The following P2RY14 variants were observed in gnomAD, a reference collection of about 807,000 sequenced individuals.
P2RY14 encodes purinergic receptor P2Y14.
Under a neutral mutation model 0.9 loss-of-function variants are expected in P2RY14, and 2 were observed. The ratio of observed to expected loss-of-function variants is 2.16; its 90% CI spans 0.88 to 6.79. The LOEUF (loss-of-function observed/expected upper bound fraction) is 6.79, where lower values mean the gene tolerates loss of function less well. P2RY14 is among the 30% of genes most tolerant of loss of function. P2RY14 has a pLI of 0.05. For synonymous variants in P2RY14, 158 were observed against 147.2 expected (o/e 1.07, Z -0.53); for missense variants, 378 against 400.1 (o/e 0.94, Z 0.47).
At position 151,269,866 on chromosome 3, in the gene P2RY14, C is replaced by T. The variant is rs568266196; in HGVS notation, c.-133+8421G>A. ...GTAAAGTCAGCAGGAAGAGGCAGCACGAAGAACCAGAGAGCTTCTTTACCT... is the reference window on the plus strand; with the variant it reads ...GTAAAGTCAGCAGGAAGAGGCAGCATGAAGAACCAGAGAGCTTCTTTACCT... On this transcript the variant is annotated intron_variant, in intron 1 of 2. Transcript: ENST00000309170. 23 of 458,394 alleles carry T rather than the reference C, an allele frequency of 5.0e-5. 1 individual carries two copies. The highest frequency in any genetic ancestry group is 1.4e-3 in the Middle Eastern group (2 of 1,398). 28.4% of individuals were successfully genotyped at this position (458,394 alleles called of 1,614,324 possible).
chr3:151,224,807 A>G (rs1238089035), intron 1 of P2RY14, among the ~76,000 whole-genome samples: 1 of 152,082 alleles, frequency 6.6e-6, no homozygotes, highest in Non-Finnish European at 1.5e-5. Flanking sequence ...TCTTTGCAGC[A>G]TTTGATATCA....
In P2RY14 at chr3:151,214,126, A is replaced by G. The variant is rs1461561971; in HGVS notation, c.191T>C (p.Val64Ala). ...CAGGCTCATCACAAAGTCAGCAATA[A>G]CAATGTTCTTGAGATAGATGATGAA... ...KSFIIYLKNI[V>A]IADFVMSLTF... The change falls in exon 3 of 3, where the codon GTT (valine) becomes GCT (alanine). Residue 64 changes from valine (V) to alanine (A), a missense_variant. By Grantham distance (64) the Val-to-Ala change is moderately conservative. Coordinates refer to ENST00000309170, the MANE Select transcript of P2RY14 (RefSeq NM_014879.4). 1.2e-6 allele frequency: 2 copies of G among 1,614,020 alleles called. No homozygotes were observed. The highest frequency in any genetic ancestry group is 1.7e-6 in the Non-Finnish European group (2 of 1,179,984).
chr3:151,228,922 C>T (rs774528835), intron 1 of P2RY14, among the ~76,000 whole-genome samples: 5 of 152,178 alleles, frequency 3.3e-5, no homozygotes, highest in Non-Finnish European at 5.9e-5. Flanking sequence ...CTCTTTTCGC[C>T]TCACTGAGAT....
chr3:151,244,725 A>C (rs1734982908), intron 1 of P2RY14, among the ~76,000 whole-genome samples: 1 of 151,894 alleles, frequency 6.6e-6, no homozygotes, highest in African/African-American at 2.4e-5. Context: ...AGCAAGAGCA[A>C]ACACATTCAA....
intron 2 of P2RY14, among the ~76,000 whole-genome samples, chr3:151,217,679 A>G (rs1232712456): frequency 6.6e-6 from 1 of 152,228 alleles, no homozygotes; most frequent in Non-Finnish European, 1.5e-5. Context: ...GCAGAGGCTC[A>G]TGCCAGGACA....
chr3:151,228,876 A>G (rs150565412), intron 1 of P2RY14, among the ~76,000 whole-genome samples: 42 of 152,282 alleles, frequency 2.8e-4, no homozygotes, highest in Middle Eastern at 3.4e-3. Flanking sequence ...ATGTGGTCCT[A>G]TTCCCTGGGG....
At chr3:151,264,876 T>A (rs1379207738) in intron 1 of P2RY14, among the ~76,000 whole-genome samples, 1 of 152,232 alleles carries the variant, frequency 6.6e-6, no homozygotes, top group Non-Finnish European at 1.5e-5. Flanking sequence ...GTTCTCTGAC[T>A]GTACCTCCTG....
At chr3:151,232,535 C>G (rs1376980423) in intron 1 of P2RY14, among the ~76,000 whole-genome samples, 1 of 152,154 alleles carries the variant, frequency 6.6e-6, no homozygotes, top group Non-Finnish European at 1.5e-5. Flanking sequence ...ATGGAATCAA[C>G]TTAAATGTCC....
chr3:151,230,820 T>G (rs1024982089), intron 1 of P2RY14, among the ~76,000 whole-genome samples: 3 of 152,168 alleles, frequency 2.0e-5, no homozygotes, highest in Admixed American at 1.3e-4. Flanking sequence ...CCCCTGCCAA[T>G]GCAGAAGTAG....
At chr3:151,231,105 C>A (rs954194012) in intron 1 of P2RY14, among the ~76,000 whole-genome samples, 8 of 152,070 alleles carry the variant, frequency 5.3e-5, no homozygotes, top group African/African-American at 1.9e-4. Context: ...ACATTGAAAA[C>A]CAAAACAAAT....
intron 1 of P2RY14, among the ~76,000 whole-genome samples, chr3:151,262,398 A>G (rs1480055290): frequency 6.6e-6 from 1 of 152,240 alleles, no homozygotes; most frequent in African/African-American, 2.4e-5. Flanking sequence ...ATCTCCAGAC[A>G]TTAATGCTGG....
intron 1 of P2RY14, among the ~76,000 whole-genome samples, chr3:151,240,722 C>G (rs1029763375): frequency 6.6e-6 from 1 of 152,188 alleles, no homozygotes; most frequent in African/African-American, 2.4e-5. Context: ...ATGTAAATAT[C>G]CAGTCAAGGG....
At position 151,248,634 on chromosome 3, in the gene P2RY14, C is replaced by A. The variant is rs189297719; in HGVS notation, c.-132-28992G>T. 3.1e-4 allele frequency among the ~76,000 whole-genome samples: 47 copies of A among 152,044 alleles called. 1 individual carries two copies. Among genetic ancestry groups the A allele is most frequent in the African/African-American group, 9.2e-4 (38 of 41,468 alleles). ...ATTTCCTAATGCCTAATGTACAAGC[C>A]CCATGAAAGGAAATCATGCCTTATC... On this transcript the variant is annotated intron_variant, in intron 1 of 2. Coordinates refer to ENST00000309170, the MANE Select transcript of P2RY14 (RefSeq NM_014879.4).
At chr3:151,214,823 C>T (rs1343800809) in intron 2 of P2RY14, among the ~76,000 whole-genome samples, 1 of 152,086 alleles carries the variant, frequency 6.6e-6, no homozygotes, top group African/African-American at 2.4e-5. Flanking sequence ...AAGGTAGTAA[C>T]TGTAAAAGCA....
At chr3:151,246,230 A>G (rs567732800) in intron 1 of P2RY14, among the ~76,000 whole-genome samples, 206 of 152,312 alleles carry the variant, frequency 1.4e-3, no homozygotes, top group African/African-American at 4.5e-3. Flanking sequence ...CATCCCCATC[A>G]AGCTACCAAT....
intron 1 of P2RY14, among the ~76,000 whole-genome samples, chr3:151,267,471 C>T (rs1183899956): frequency 1.3e-5 from 2 of 152,060 alleles, no homozygotes; most frequent in Non-Finnish European, 2.9e-5. Context: ...TATTGATTAT[C>T]CCTGAAATGT....
chr3:151,228,836 G>T (rs1183335156), intron 1 of P2RY14, among the ~76,000 whole-genome samples: 2 of 152,126 alleles, frequency 1.3e-5, no homozygotes, highest in East Asian at 1.9e-4. Flanking sequence ...ATTTTTTCCA[G>T]CCTGTTCTTC....
Position 151,264,755 on chromosome 3 carries a change from C to A in P2RY14, c.-133+13532G>T, listed in dbSNP as rs144941128. On this transcript the variant is annotated intron_variant, in intron 1 of 2. Coordinates refer to ENST00000309170, the MANE Select transcript of P2RY14 (RefSeq NM_014879.4). ...AAGTCTTGCTACTCCCTTGCTCAGG[C>A]CCACCCAGTGCGTGTGTGTGTATGT... 5.0e-3 allele frequency among the ~76,000 whole-genome samples: 766 copies of A among 152,244 alleles called. 12 individuals are homozygous for A. Among genetic ancestry groups the A allele is most frequent in the African/African-American group, 0.017 (714 of 41,546 alleles).
At chr3:151,238,791 C>T (rs1191879612) in intron 1 of P2RY14, among the ~76,000 whole-genome samples, 1 of 151,930 alleles carries the variant, frequency 6.6e-6, no homozygotes, top group African/African-American at 2.4e-5. Flanking sequence ...TTTTGTGTGC[C>T]AAAATATTAA....
Sources: allele counts gnomAD v4.1 joint callset (sites outside exome capture counted in the v4.1 genomes callset), GRCh38; gene constraint gnomAD v4.1.1; transcripts MANE v1.5; gene names NCBI Gene and HGNC (gene_info 2026-07-23, HGNC 2026-07-21).